PHACTR1: variants seen among roughly 807,000 people sequenced by gnomAD.
PHACTR1 encodes the protein phosphatase and actin regulator 1.
Under a neutral mutation model 69.2 loss-of-function variants are expected in PHACTR1, and 16 were observed. The observed-to-expected ratio is 0.23, with a 90% CI of 0.16 to 0.35. The LOEUF (loss-of-function observed/expected upper bound fraction) is 0.35, where lower values mean the gene tolerates loss of function less well. PHACTR1 is among the 10% of genes least tolerant of loss of function. PHACTR1 has a pLI of 1.00. For synonymous variants in PHACTR1, 312 were observed against 284.5 expected (o/e 1.10, Z -0.97); for missense variants, 510 against 734.7 (o/e 0.69, Z 3.54).
intron 4 of PHACTR1, among the ~76,000 whole-genome samples, chr6:12,757,584 G>T (rs1372488125): frequency 2.0e-5 from 3 of 152,154 alleles, no homozygotes; most frequent in Admixed American, 6.5e-5. Context: ...TGGTACAGCA[G>T]AAACAGTGGA....
intron 4 of PHACTR1, among the ~76,000 whole-genome samples, chr6:12,840,209 CT>C (rs1369743489): frequency 1.1e-4 from 17 of 152,154 alleles, no homozygotes; most frequent in African/African-American, 4.1e-4. Context: ...TTACAGATCA[CT>C]GACTTTGAAA....
At chr6:12,744,201 T>C (rs1171149912) in intron 3 of PHACTR1, among the ~76,000 whole-genome samples, 2 of 152,214 alleles carry the variant, frequency 1.3e-5, no homozygotes, top group Non-Finnish European at 2.9e-5. Context: ...TTTTATTGGC[T>C]CTATAAGTCA....
intron 4 of PHACTR1, among the ~76,000 whole-genome samples, chr6:12,998,993 A>G (rs1797765700): frequency 6.6e-6 from 1 of 152,210 alleles, no homozygotes; most frequent in Admixed American, 6.5e-5. Context: ...ACTTTCATAC[A>G]CTGTTGATGA....
rs1761896123 is a variant in PHACTR1, at chr6:13,179,591, T to C, written c.497-2928T>C. 6.6e-6 allele frequency among the ~76,000 whole-genome samples: 1 copy of C among 152,186 alleles called. No homozygotes were observed. Among genetic ancestry groups the C allele is most frequent in the African/African-American group, 2.4e-5 (1 of 41,434 alleles). On this transcript the variant is annotated intron_variant, in intron 6 of 14. Transcript: ENST00000332995. The surrounding 1 kb of genome is among the most constrained non-coding windows in gnomAD (Gnocchi z 4.2). The stretch of plus-strand genomic sequence containing the variant: ...GATATTAATAATGAATTTGTACTTA[T>C]TGAATGGTTTTCATTTCTTTCTACT...
intron 4 of PHACTR1, among the ~76,000 whole-genome samples, chr6:12,845,394 A>G (rs1440790990): frequency 7.0e-6 from 1 of 142,774 alleles, no homozygotes; most frequent in African/African-American, 2.6e-5. Context: ...GAGAGAAAGG[A>G]GAAGAGTGCC....
chr6:12,983,815 C>T (rs559160855), intron 4 of PHACTR1, among the ~76,000 whole-genome samples: 64 of 152,202 alleles, frequency 4.2e-4, no homozygotes, highest in East Asian at 7.7e-4. Context: ...TCTGTCCTTG[C>T]GATAGTTTGC....
intron 4 of PHACTR1, among the ~76,000 whole-genome samples, chr6:12,898,978 C>G (rs938123520): frequency 6.6e-6 from 1 of 152,168 alleles, no homozygotes; most frequent in African/African-American, 2.4e-5. Context: ...TGTGCTTCCA[C>G]CAGCAAAGCT....
At chr6:12,767,809 G>A (rs4711817) in intron 4 of PHACTR1, among the ~76,000 whole-genome samples, 1 of 152,100 alleles carries the variant, frequency 6.6e-6, no homozygotes, top group Admixed American at 6.5e-5. Context: ...ACAGGATGGA[G>A]AATTCCAGGA....
chr6:13,213,736 C>T (rs374628376), intron 8 of PHACTR1, among the ~76,000 whole-genome samples: 2 of 152,182 alleles, frequency 1.3e-5, no homozygotes, highest in African/African-American at 2.4e-5. Flanking sequence ...GTGAGCGTGC[C>T]GCGTTTCTCC....
chr6:12,718,907 A>C, intron 3 of PHACTR1, 60 bp downstream of exon 3: 1 of 1,010,862 alleles, frequency 9.9e-7, no homozygotes, highest in Non-Finnish European at 1.5e-6. Context: ...ATGAACAGCC[A>C]TGTAGGCTGT....
intron 7 of PHACTR1, among the ~76,000 whole-genome samples, chr6:13,192,982 G>C (rs1763804798): frequency 1.3e-5 from 2 of 152,148 alleles, no homozygotes; most frequent in Admixed American, 6.5e-5. Flanking sequence ...ATTCTGTAGT[G>C]TTTGAAGGAA....
chr6:12,836,209 A>G (rs1236924088), intron 4 of PHACTR1, among the ~76,000 whole-genome samples: 1 of 152,148 alleles, frequency 6.6e-6, no homozygotes, highest in Non-Finnish European at 1.5e-5. Flanking sequence ...TAAAATATGA[A>G]GTATCAGCCT....
At chr6:12,875,878 G>A (rs1187903367) in intron 4 of PHACTR1, among the ~76,000 whole-genome samples, 1 of 152,156 alleles carries the variant, frequency 6.6e-6, no homozygotes, top group Non-Finnish European at 1.5e-5. Context: ...CTCTTTACAA[G>A]TGTGTAAAGA....
At chr6:12,950,688 A>G (rs185745705) in intron 4 of PHACTR1, among the ~76,000 whole-genome samples, 9 of 152,252 alleles carry the variant, frequency 5.9e-5, no homozygotes, top group Admixed American at 3.9e-4. Context: ...TAAGAAACCA[A>G]CCTGGCTAGG....
At chr6:12,738,575 G>T (rs1764617248) in intron 3 of PHACTR1, among the ~76,000 whole-genome samples, 1 of 152,086 alleles carries the variant, frequency 6.6e-6, no homozygotes, top group Non-Finnish European at 1.5e-5. Flanking sequence ...GTATAAGCAG[G>T]AGCCAGGCTG....
intron 4 of PHACTR1, among the ~76,000 whole-genome samples, chr6:12,783,303 G>A (rs1771065490): frequency 6.6e-6 from 1 of 152,074 alleles, no homozygotes; most frequent in Admixed American, 6.5e-5. Context: ...CAGATGTATA[G>A]GAATACACTG....
At chr6:13,025,691 G>A (rs2127677710) in intron 4 of PHACTR1, among the ~76,000 whole-genome samples, 1 of 151,868 alleles carries the variant, frequency 6.6e-6, no homozygotes, top group African/African-American at 2.4e-5. Context: ...GTGTGTGTGT[G>A]TGTGTGTGTG....
At chr6:13,232,673 T>C (rs1771402848) in intron 10 of PHACTR1, among the ~76,000 whole-genome samples, 1 of 152,108 alleles carries the variant, frequency 6.6e-6, no homozygotes, top group Non-Finnish European at 1.5e-5. Flanking sequence ...TAACATGGCA[T>C]GCTGTAGCAT....
chr6:12,902,295 T>C (rs2127483904), intron 4 of PHACTR1, among the ~76,000 whole-genome samples: 1 of 152,236 alleles, frequency 6.6e-6, no homozygotes, highest in African/African-American at 2.4e-5. Context: ...TGGTGGCACG[T>C]ACCTGTAATA....
Sources: gnomAD v4.1 joint callset for allele counts (sites outside exome capture counted in the v4.1 genomes callset) on GRCh38, gnomAD v4.1.1 for gene constraint, Gnocchi (gnomAD v3.1) non-coding constraint, MANE v1.5 for transcripts, NCBI Gene and HGNC (gene_info 2026-07-23, HGNC 2026-07-21) for gene names.